The following TIAM1 variants were observed in gnomAD, a reference collection of about 807,000 sequenced individuals.
TIAM1 encodes TIAM Rac1 associated GEF 1.
TIAM1 carries 65 observed loss-of-function variants against 163.5 expected under a neutral mutation model. The observed-to-expected ratio is 0.40, with a 90% confidence interval of 0.33 to 0.49. The LOEUF (loss-of-function observed/expected upper bound fraction) is 0.49, where lower values mean the gene tolerates loss of function less well. TIAM1 is among the 20% of genes least tolerant of loss of function. The probability of loss-of-function intolerance (pLI) is 0.77; values close to 1 mark genes in which losing one functional copy is unlikely to be tolerated. For synonymous variants in TIAM1, 833 were observed against 810.1 expected (o/e 1.03, Z -0.48); for missense variants, 1,789 against 2,044.7 (o/e 0.87, Z 2.41).
intron 13 of TIAM1, among the ~76,000 whole-genome samples, chr21:31,191,616 G>A (rs2085565779): frequency 6.6e-6 from 1 of 152,208 alleles, no homozygotes; most frequent in African/African-American, 2.4e-5. Flanking sequence ...AAAAGCAGCA[G>A]TGGTCACAAA....
chr21:31,352,185 G>C (rs2076245751), intron 2 of TIAM1, among the ~76,000 whole-genome samples: 1 of 152,064 alleles, frequency 6.6e-6, no homozygotes, highest in African/African-American at 2.4e-5. Context: ...CAATCTATGT[G>C]CCCATCAGAT....
chr21:31,483,021 C>A (rs1218019846), intron 1 of TIAM1, among the ~76,000 whole-genome samples: 2 of 152,146 alleles, frequency 1.3e-5, no homozygotes, highest in African/African-American at 4.8e-5. Context: ...CCAGGTCACA[C>A]AGCTGGTAAA....
chr21:31,311,720 A>G lies in TIAM1; in HGVS notation c.-189+27523T>C, dbSNP rs180720574. Among the ~76,000 whole-genome samples the G allele has an allele frequency of 1.7e-3, 256 of 152,310 alleles. 5 individuals carry two copies. In the South Asian group the frequency reaches 0.028, roughly 17 times the overall value. The stretch of plus-strand genomic sequence containing the variant: ...TTTAACCTCTGCGGCCAGAAAGACA[A>G]TGAGAGGTGTGATAGTTAATACTGA... On this transcript the variant is annotated intron_variant, in intron 2 of 27. Coordinates refer to ENST00000541036, the MANE Select transcript of TIAM1 (RefSeq NM_001353694.2).
intron 15 of TIAM1, among the ~76,000 whole-genome samples, chr21:31,178,524 T>C (rs1224825548): frequency 1.3e-5 from 2 of 152,048 alleles, no homozygotes; most frequent in African/African-American, 4.8e-5. Context: ...GCCAGGATGG[T>C]CTCGATCTCC....
chr21:31,417,713 A>G (rs1438558013), intron 2 of TIAM1, among the ~76,000 whole-genome samples: 1 of 152,156 alleles, frequency 6.6e-6, no homozygotes, highest in Non-Finnish European at 1.5e-5. Context: ...CTGCAGGTCA[A>G]TTCCTGCCAC....
At chr21:31,167,248 T>C (rs13340011) in intron 15 of TIAM1, among the ~76,000 whole-genome samples, 8,977 of 151,976 alleles carry the variant, frequency 0.059, 937 homozygotes, top group African/African-American at 0.21. Context: ...TGCACCACCA[T>C]GTCCGGCTAA....
chr21:31,277,996 T>A (rs2073377590), intron 2 of TIAM1, among the ~76,000 whole-genome samples: 1 of 152,234 alleles, frequency 6.6e-6, no homozygotes, highest in Non-Finnish European at 1.5e-5. Flanking sequence ...TATTTTAATC[T>A]ATCTGTGTAT....
intron 1 of TIAM1, among the ~76,000 whole-genome samples, chr21:31,492,981 A>ATT (rs5843520): frequency 4.0e-5 from 6 of 151,010 alleles, no homozygotes; most frequent in South Asian, 2.1e-4. Context: ...ATAGTTATGT[A>ATT]TTTTTTTTTT....
intron 8 of TIAM1, among the ~76,000 whole-genome samples, chr21:31,219,946 G>C (rs1184187488): frequency 6.6e-6 from 1 of 152,082 alleles, no homozygotes; most frequent in Non-Finnish European, 1.5e-5. Context: ...GGTAAACAAA[G>C]GTTGTAAAAG....
intron 1 of TIAM1, among the ~76,000 whole-genome samples, chr21:31,545,294 A>T (rs1455777609): frequency 6.6e-6 from 1 of 152,198 alleles, no homozygotes; most frequent in African/African-American, 2.4e-5. Context: ...GGAAGAGGCA[A>T]GAAAAGAATT....
At chr21:31,274,672 G>A (rs982797605) in intron 3 of TIAM1, among the ~76,000 whole-genome samples, 3 of 152,160 alleles carry the variant, frequency 2.0e-5, no homozygotes, top group Non-Finnish European at 4.4e-5. Flanking sequence ...CCGTGTGGGA[G>A]TAAATAATCC....
At chr21:31,480,317 T>C (rs980579128) in intron 1 of TIAM1, among the ~76,000 whole-genome samples, 15 of 152,254 alleles carry the variant, frequency 9.9e-5, no homozygotes, top group South Asian at 2.1e-4. Flanking sequence ...TGGCCCACTT[T>C]GTTTATTTCT....
chr21:31,477,038 G>A (rs981744760), intron 1 of TIAM1, among the ~76,000 whole-genome samples: 1 of 152,128 alleles, frequency 6.6e-6, no homozygotes, highest in African/African-American at 2.4e-5. Context: ...GACTTCCTTA[G>A]AGCACATGCA....
chr21:31,448,570 C>T (rs1430026676), intron 2 of TIAM1, among the ~76,000 whole-genome samples: 1 of 149,052 alleles, frequency 6.7e-6, no homozygotes, highest in African/African-American at 2.5e-5. Flanking sequence ...TGTGCCACTG[C>T]ACTCCAGCCT....
At chr21:31,475,043 A>T (rs2045890781) in intron 1 of TIAM1, among the ~76,000 whole-genome samples, 1 of 65,972 alleles carries the variant, frequency 1.5e-5, no homozygotes, top group African/African-American at 6.8e-5. Flanking sequence ...TATTATTATT[A>T]TTATTATTAT....
At chr21:31,179,410 A>G (rs1418198808) in intron 15 of TIAM1, among the ~76,000 whole-genome samples, 1 of 152,102 alleles carries the variant, frequency 6.6e-6, no homozygotes, top group Non-Finnish European at 1.5e-5. Context: ...TAAAGCAATG[A>G]AAAAATGAAA....
chr21:31,207,498 A>G (rs1569025293), intron 11 of TIAM1, among the ~76,000 whole-genome samples: 1 of 151,508 alleles, frequency 6.6e-6, no homozygotes, highest in Non-Finnish European at 1.5e-5. Context: ...TTCAATGAGG[A>G]AAAAAAAACC....
intron 6 of TIAM1, among the ~76,000 whole-genome samples, chr21:31,245,143 G>A (rs2071427555): frequency 6.6e-6 from 1 of 151,968 alleles, no homozygotes; most frequent in African/African-American, 2.4e-5. Context: ...TCTAAAAGAA[G>A]AAATTCACGA....
At chr21:31,311,450 T>C (rs1205974564) in intron 2 of TIAM1, among the ~76,000 whole-genome samples, 1 of 152,166 alleles carries the variant, frequency 6.6e-6, no homozygotes, top group Admixed American at 6.5e-5. Flanking sequence ...TGGAAGGTGA[T>C]TTATCATCAC....
Sources: allele counts gnomAD v4.1 joint callset (sites outside exome capture counted in the v4.1 genomes callset), GRCh38; gene constraint gnomAD v4.1.1; transcripts MANE v1.5; gene names NCBI Gene and HGNC (gene_info 2026-07-23, HGNC 2026-07-21).